The following CACNB2 variants were observed in gnomAD, a reference collection of about 807,000 sequenced individuals.
CACNB2 encodes the protein voltage-dependent L-type calcium channel subunit beta-2.
In CACNB2, 42 loss-of-function variants were observed where a neutral mutation model predicts 73.3. The ratio of observed to expected loss-of-function variants is 0.57; its 90% CI spans 0.45 to 0.74. The LOEUF (loss-of-function observed/expected upper bound fraction) is 0.74, where lower values mean the gene tolerates loss of function less well. Ranked by LOEUF, CACNB2 falls within the 30% of genes least tolerant of loss-of-function variation. The pLI is 0.00. For synonymous variants in CACNB2, 348 were observed against 310.3 expected (o/e 1.12, Z -1.28); for missense variants, 940 against 853.0 (o/e 1.10, Z -1.27).
intron 6 of CACNB2, among the ~76,000 whole-genome samples, chr10:18,510,893 G>A (rs748079734): frequency 1.3e-5 from 2 of 152,194 alleles, no homozygotes; most frequent in Non-Finnish European, 2.9e-5. Context: ...AATTCCTGAC[G>A]CAGATTTTGT....
chr10:18,227,441 T>G (rs942502203), intron 2 of CACNB2, among the ~76,000 whole-genome samples: 3 of 152,018 alleles, frequency 2.0e-5, no homozygotes, highest in Admixed American at 6.6e-5. Context: ...AATGAACTGA[T>G]GGATGGAAGG....
chr10:18,361,574 G>A (rs573218890), intron 2 of CACNB2, among the ~76,000 whole-genome samples: 4 of 149,568 alleles, frequency 2.7e-5, no homozygotes, highest in Non-Finnish European at 4.4e-5. Context: ...ATTTCTCCAC[G>A]GTTGTTATAT....
chr10:18,464,944 G>A (rs2047794982), intron 3 of CACNB2, among the ~76,000 whole-genome samples: 1 of 152,224 alleles, frequency 6.6e-6, no homozygotes, highest in African/African-American at 2.4e-5. Context: ...GGGGCAGATG[G>A]GAAGGCCAGG....
At chr10:18,304,147 G>C (rs1391947374) in intron 2 of CACNB2, among the ~76,000 whole-genome samples, 1 of 152,076 alleles carries the variant, frequency 6.6e-6, no homozygotes, top group Non-Finnish European at 1.5e-5. Flanking sequence ...GTAGAGATAG[G>C]GTTGCATTAT....
chr10:18,234,620 G>A (rs1217483501), intron 2 of CACNB2, among the ~76,000 whole-genome samples: 1 of 152,142 alleles, frequency 6.6e-6, no homozygotes, highest in Non-Finnish European at 1.5e-5. Context: ...GTCACAAAAA[G>A]GACAAATATG....
intron 11 of CACNB2, among the ~76,000 whole-genome samples, chr10:18,535,265 G>C (rs886267966): frequency 1.3e-4 from 20 of 152,098 alleles, no homozygotes; most frequent in African/African-American, 4.6e-4. Context: ...ACCATTTGTT[G>C]AGTTTTAGTG....
chr10:18,268,838 T>C (rs74804505), intron 2 of CACNB2, among the ~76,000 whole-genome samples: 3,758 of 152,280 alleles, frequency 0.025, 150 homozygotes, highest in African/African-American at 0.087. Context: ...TGAAATGCAT[T>C]GAGCAAAAGT....
intron 2 of CACNB2, among the ~76,000 whole-genome samples, chr10:18,243,531 A>G (rs1193138524): frequency 1.3e-5 from 2 of 152,156 alleles, no homozygotes; most frequent in African/African-American, 2.4e-5. Context: ...TTGATTCCCA[A>G]TGAGGTAACG....
At chr10:18,263,072 T>C (rs1241233010) in intron 2 of CACNB2, among the ~76,000 whole-genome samples, 1 of 152,254 alleles carries the variant, frequency 6.6e-6, no homozygotes, top group Non-Finnish European at 1.5e-5. Flanking sequence ...AATTTTCGTT[T>C]ACTTTAGAGT....
chr10:18,447,554 T>C (rs2046795988), intron 3 of CACNB2, among the ~76,000 whole-genome samples: 1 of 152,142 alleles, frequency 6.6e-6, no homozygotes, highest in African/African-American at 2.4e-5. Flanking sequence ...GAATAGGACT[T>C]TGCAGAGTCA....
chr10:18,497,056 C>T (rs887739728), intron 3 of CACNB2, among the ~76,000 whole-genome samples: 29 of 151,054 alleles, frequency 1.9e-4, no homozygotes, highest in Middle Eastern at 3.4e-3. Context: ...TCTAAAAATA[C>T]AAAAAATTAG....
intron 2 of CACNB2, among the ~76,000 whole-genome samples, chr10:18,305,322 G>A (rs2039686267): frequency 6.6e-6 from 1 of 152,148 alleles, no homozygotes; most frequent in African/African-American, 2.4e-5. Flanking sequence ...ATATTCAGAG[G>A]AAAAGTAAAC....
chr10:18,187,438 A>G (rs1237678868), intron 2 of CACNB2, among the ~76,000 whole-genome samples: 1 of 152,222 alleles, frequency 6.6e-6, no homozygotes, highest in Admixed American at 6.5e-5. Flanking sequence ...TATGTATCAA[A>G]TTTCTAACAC....
rs1282703087 is a variant in CACNB2 at position 18,514,326 on chromosome 10, C to T, written c.761C>T (p.Thr254Met). The T allele has an allele frequency of 2.4e-5, 39 of 1,614,006 alleles. No individual in the cohort carries two copies. The highest frequency in any genetic ancestry group is 3.2e-5 in the Non-Finnish European group (38 of 1,180,020). Residue 254 changes from threonine to methionine, a missense_variant, in exon 7 of 14, where the codon ACG becomes ATG. Coordinates refer to ENST00000324631, the MANE Select transcript of CACNB2 (RefSeq NM_201596.3). ...CCTAAACCCAGTGCAAACAGTGTAA[C>T]GTCACCCCACTCCAAAGAGAAAAGA... is the stretch of plus-strand genomic sequence containing the variant. ...RSPKPSANSV[T>M]SPHSKEKRMP... is the part of the protein sequence containing the mutation.
intron 2 of CACNB2, among the ~76,000 whole-genome samples, chr10:18,304,689 T>G (rs1307083197): frequency 1.3e-5 from 2 of 152,246 alleles, no homozygotes; most frequent in African/African-American, 2.4e-5. Flanking sequence ...ATCCTCTCTG[T>G]ATTCTGTATA....
intron 3 of CACNB2, among the ~76,000 whole-genome samples, chr10:18,428,075 A>C (rs189761213): frequency 4.1e-4 from 63 of 151,818 alleles, no homozygotes; most frequent in African/African-American, 1.5e-3. Flanking sequence ...AGTATTTTCT[A>C]TTTTCATTTT....
intron 2 of CACNB2, among the ~76,000 whole-genome samples, chr10:18,396,962 A>T (rs1570939): frequency 6.6e-6 from 1 of 151,910 alleles, no homozygotes; most frequent in African/African-American, 2.4e-5. Flanking sequence ...TGGCTTTAAG[A>T]CTTCATATAA....
intron 2 of CACNB2, among the ~76,000 whole-genome samples, chr10:18,197,932 AATAT>A (rs1252761823): frequency 1.3e-5 from 2 of 148,186 alleles, no homozygotes; most frequent in African/African-American, 4.9e-5. Flanking sequence ...ATTAATGGTT[AATAT>A]ATAGTCAATT....
intron 1 of CACNB2, among the ~76,000 whole-genome samples, chr10:18,143,814 C>G (rs1032150067): frequency 1.3e-5 from 2 of 152,108 alleles, no homozygotes; most frequent in Non-Finnish European, 2.9e-5. Flanking sequence ...AATGGAGTTT[C>G]TATTTACAAA....
Sources: allele counts gnomAD v4.1 joint callset (sites outside exome capture counted in the v4.1 genomes callset), GRCh38; gene constraint gnomAD v4.1.1; transcripts MANE v1.5; gene names NCBI Gene and HGNC (gene_info 2026-07-23, HGNC 2026-07-21).